PIWIL1: variants seen among roughly 807,000 people sequenced by gnomAD.
PIWIL1 encodes piwi-like protein 1.
Under a neutral mutation model 114.4 loss-of-function variants are expected in PIWIL1, and 73 were observed. The ratio of observed to expected loss-of-function variants is 0.64; its 90% confidence interval spans 0.53 to 0.78. The LOEUF (loss-of-function observed/expected upper bound fraction) is 0.78, where lower values mean the gene tolerates loss of function less well. Among genes scored for constraint, PIWIL1 ranks in the 30% least tolerant of loss-of-function variants. The pLI is 0.00. For missense variants in PIWIL1, 723 were observed against 1,063.1 expected (o/e 0.68, Z 4.45); for synonymous variants, 375 against 369.0 (o/e 1.02, Z -0.19).
At chr12:130,423,686 T>C in the PIWIL1 span, among the ~76,000 whole-genome samples, 1 of 136,264 alleles carries the variant, frequency 7.3e-6, no homozygotes, top group East Asian at 2.0e-4. Context: ...ATAGATTTCT[T>C]CAATCTTTTT....
intron 19 of PIWIL1, among the ~76,000 whole-genome samples, chr12:130,368,994 TA>T (rs2136196868): frequency 6.6e-6 from 1 of 152,216 alleles, no homozygotes; most frequent in East Asian, 1.9e-4. Flanking sequence ...ACCTAGGTAT[TA>T]AGCCCCACAT....
chr12:130,413,388 G>A, the PIWIL1 span, among the ~76,000 whole-genome samples: 1 of 152,092 alleles, frequency 6.6e-6, no homozygotes, highest in African/African-American at 2.4e-5. Context: ...CCAGCACTTT[G>A]GGAGGCCAAG....
the PIWIL1 span, among the ~76,000 whole-genome samples, chr12:130,384,655 G>A: frequency 2.0e-5 from 3 of 152,130 alleles, no homozygotes; most frequent in East Asian, 1.9e-4. Flanking sequence ...GGGGTGCATC[G>A]TGGTTTTATA....
the PIWIL1 span, chr12:130,397,102 G>A: frequency 2.6e-5 from 7 of 269,610 alleles, no homozygotes; most frequent in Non-Finnish European, 4.1e-5. Flanking sequence ...ATGCGCCCCC[G>A]TTTGTTAATA....
chr12:130,355,682 C>T lies in PIWIL1; in HGVS notation c.1404+15C>T, dbSNP rs774485081. 15 of 1,551,818 alleles carry T rather than the reference C, an allele frequency of 9.7e-6. No homozygotes were observed. In the East Asian group the frequency reaches 1.8e-4, roughly 19 times the overall value. On this transcript the variant is annotated intron_variant, in intron 12 of 20. Coordinates refer to ENST00000245255, the MANE Select transcript of PIWIL1 (RefSeq NM_004764.5). Reference sequence around the variant, plus strand: ...GTGGAAAAACAGTAAGGCAGTTTTTCGTTGGTGTTGTTGTTGTTTTTGAGA... The same window carrying T: ...GTGGAAAAACAGTAAGGCAGTTTTTTGTTGGTGTTGTTGTTGTTTTTGAGA...
At chr12:130,362,705 C>G (rs1227899005) in intron 16 of PIWIL1, 61 bp from the exon 17 acceptor site, 25 of 1,436,426 alleles carry the variant, frequency 1.7e-5, no homozygotes, top group Non-Finnish European at 2.4e-5. Context: ...TAGAATAATT[C>G]AGAAAGGAAA....
At chr12:130,391,577 C>T in the PIWIL1 span, among the ~76,000 whole-genome samples, 1 of 152,282 alleles carries the variant, frequency 6.6e-6, no homozygotes, top group African/African-American at 2.4e-5. Flanking sequence ...TGGTTACTTA[C>T]ATGTGTCTTC....
the PIWIL1 span, among the ~76,000 whole-genome samples, chr12:130,421,570 C>T: frequency 6.6e-6 from 1 of 152,118 alleles, no homozygotes; most frequent in Non-Finnish European, 1.5e-5. Flanking sequence ...AACGAGATTC[C>T]AGGTGGCTTT....
At chr12:130,344,963 C>T (rs992999536) in intron 3 of PIWIL1, among the ~76,000 whole-genome samples, 2 of 152,190 alleles carry the variant, frequency 1.3e-5, no homozygotes, top group Non-Finnish European at 1.5e-5. Context: ...ATTGGATAGT[C>T]AACTGGTAAT....
At chr12:130,416,525 A>G in the PIWIL1 span, among the ~76,000 whole-genome samples, 4 of 152,250 alleles carry the variant, frequency 2.6e-5, no homozygotes, top group African/African-American at 9.6e-5. Flanking sequence ...AGTCACATGC[A>G]GAAGATTGAA....
chr12:130,407,752 C>G, the PIWIL1 span: 1 of 1,614,142 alleles, frequency 6.2e-7, no homozygotes, highest in Admixed American at 1.7e-5. Context: ...GGCGAGCTTT[C>G]TCTGGGGTCG....
At chr12:130,365,693 CT>C (rs1440302787) in intron 18 of PIWIL1, among the ~76,000 whole-genome samples, 4 of 152,198 alleles carry the variant, frequency 2.6e-5, no homozygotes, top group Admixed American at 6.5e-5. Context: ...TAAATTGTTT[CT>C]CGTGATGTTA....
chr12:130,346,450 C>T lies in PIWIL1; in HGVS notation c.397C>T (p.His133Tyr). The T allele has an allele frequency of 1.2e-6, 2 of 1,613,858 alleles. No homozygotes were observed. The highest frequency in any genetic ancestry group is 1.7e-6 in the Non-Finnish European group (2 of 1,179,708). The change falls in exon 5 of 21, where the codon CAC becomes TAC. Residue 133 changes from histidine to tyrosine, a missense_variant. Physicochemically the swap from His to Tyr is moderately conservative, Grantham distance 83. Coordinates refer to ENST00000245255, the MANE Select transcript of PIWIL1 (RefSeq NM_004764.5). ...SRPQWALYQYHIDYNPLMEAR... is the reference protein window; with the variant it reads ...SRPQWALYQYYIDYNPLMEAR... ...TCCCCAGTGGGCCTTATATCAGTAT[C>T]ACATTGACTATAACCCACTGATGGA...
intron 14 of PIWIL1, among the ~76,000 whole-genome samples, chr12:130,359,762 G>T (rs921107929): frequency 1.4e-4 from 21 of 152,282 alleles, no homozygotes; most frequent in Middle Eastern, 3.4e-3. Context: ...AATTGCCAGA[G>T]ATCTGCTGAG....
At chr12:130,415,369 C>T in the PIWIL1 span, among the ~76,000 whole-genome samples, 3 of 152,144 alleles carry the variant, frequency 2.0e-5, no homozygotes, top group Non-Finnish European at 4.4e-5. Flanking sequence ...ATTAAAAAAA[C>T]CCTCAACAAT....
chr12:130,349,831 C>A, intron 8 of PIWIL1, 25 bp from the exon 9 acceptor site: 1 of 1,242,270 alleles, frequency 8.0e-7, no homozygotes, highest in Non-Finnish European at 1.2e-6. Context: ...CCATCAAATG[C>A]AGTCAAATCT....
chr12:130,381,211 A>G, the PIWIL1 span, among the ~76,000 whole-genome samples: 1 of 152,190 alleles, frequency 6.6e-6, no homozygotes, highest in South Asian at 2.1e-4. Context: ...TTTGGATAAC[A>G]GTCCTTTTAT....
intron 19 of PIWIL1, among the ~76,000 whole-genome samples, chr12:130,368,623 C>T (rs541832944): frequency 1.3e-5 from 2 of 152,226 alleles, no homozygotes; most frequent in South Asian, 2.1e-4. Context: ...CAAAAGAAGG[C>T]TAAGATGTTA....
At chr12:130,338,799 G>A (rs1425987106) in intron 1 of PIWIL1, among the ~76,000 whole-genome samples, 1 of 130,752 alleles carries the variant, frequency 7.6e-6, no homozygotes, top group Non-Finnish European at 1.6e-5. Flanking sequence ...GGTGTGGGGG[G>A]TGCGGGGCCG....
Sources: gnomAD v4.1 joint callset for allele counts (sites outside exome capture counted in the v4.1 genomes callset) on GRCh38, gnomAD v4.1.1 for gene constraint, MANE v1.5 for transcripts, NCBI Gene and HGNC (gene_info 2026-07-23, HGNC 2026-07-21) for gene names.